Variants in POSTN observed in about 807,000 individuals in gnomAD.
POSTN encodes the protein osteoblast specific factor 2 (fasciclin I-like).
In POSTN, 71 loss-of-function variants were observed where a neutral mutation model predicts 104.5. That is an observed-to-expected ratio of 0.68 (90% CI 0.56 to 0.83). POSTN has a LOEUF of 0.83. POSTN is among the 40% of genes least tolerant of loss of function. POSTN has a pLI of 0.00. For synonymous variants in POSTN, 355 were observed against 340.7 expected (o/e 1.04, Z -0.46); for missense variants, 949 against 1,006.8 (o/e 0.94, Z 0.78).
At position 37,563,265 on chromosome 13, in the gene POSTN, T is replaced by C; in HGVS notation, c.*68A>G. 9.0e-7 allele frequency: 1 copy of C among 1,107,218 alleles called. No individual in the cohort carries two copies. The allele number at this position is 1,107,218 out of a possible 1,614,324, so 68.6% of individuals were successfully genotyped here. A position where few individuals can be genotyped will look rare whatever the true frequency, so the allele number is the denominator to read the frequency against. On this transcript the variant is annotated 3_prime_UTR_variant, in exon 23 of 23. Coordinates refer to ENST00000379747, the MANE Select transcript of POSTN (RefSeq NM_006475.3). ...TCAGTTCCTGAAGTCAACTTGGCTCTCACAATTTTCTAAGGTCAGGTTATT... is the reference window on the plus strand; with the variant it reads ...TCAGTTCCTGAAGTCAACTTGGCTCCCACAATTTTCTAAGGTCAGGTTATT...
chr13:37,579,556 T>C (rs1950517743), intron 12 of POSTN, among the ~76,000 whole-genome samples, 197 bp from the exon 13 acceptor site: 1 of 152,208 alleles, frequency 6.6e-6, no homozygotes, highest in African/African-American at 2.4e-5. Flanking sequence ...CCCAACTTAC[T>C]GGGAGAAAAA....
chr13:37,586,290 A>C lies in POSTN; in HGVS notation c.754-10T>G, dbSNP rs1259850247. ...ATGTGATGGCAGCTGCCTGAAACAC[A>C]AATGTGCTTTTCAGAGACTTTCACA... On this transcript the variant is annotated splice_polypyrimidine_tract_variant and intron_variant, in intron 6 of 22. Coordinates refer to ENST00000379747, the MANE Select transcript of POSTN (RefSeq NM_006475.3). The C allele has an allele frequency of 1.9e-6, 3 of 1,606,826 alleles. No homozygotes were observed. In the African/African-American group the frequency reaches 4.0e-5, roughly 22 times the overall value.
chr13:37,570,702 T>C (rs745583501), intron 18 of POSTN, 33 bp from the exon 19 acceptor site: 1 of 1,324,948 alleles, frequency 7.5e-7, no homozygotes, highest in Admixed American at 1.7e-5. Context: ...GCATTTGATT[T>C]ACCCTCATAT....
chr13:37,569,346 A>C lies in POSTN; in HGVS notation c.2385T>G (p.Asp795Glu), dbSNP rs1950197555. 1 of 1,612,858 alleles carries C rather than the reference A, an allele frequency of 6.2e-7. No homozygotes were observed. The highest frequency in any genetic ancestry group is 1.1e-5 in the South Asian group (1 of 91,060). ...TKVTKFIEGG[D>E]GHLFEDEEIK... ...TTTCTTCATCTTCAAATAAATGACC[A>C]TCACCACCTTCAATGAATTTGGTGA... The change falls in exon 21 of 23, where the codon GAT (aspartate) becomes GAG (glutamate). Residue 795 changes from aspartate to glutamate, a missense_variant. By Grantham distance (45) the Asp-to-Glu change is conservative. Transcript: ENST00000379747.
At chr13:37,597,589 T>G (rs1951121131) in intron 1 of POSTN, among the ~76,000 whole-genome samples, 1 of 152,172 alleles carries the variant, frequency 6.6e-6, no homozygotes, top group Admixed American at 6.5e-5. Flanking sequence ...TCTATGTGCC[T>G]TATTACTTTT....
chr13:37,583,460 G>A (rs868306157), intron 9 of POSTN, among the ~76,000 whole-genome samples: 1 of 33,222 alleles, frequency 3.0e-5, no homozygotes, highest in African/African-American at 1.2e-4. Context: ...TTTTTTTTTT[G>A]AGACGGAGTC....
chr13:37,566,842 G>C lies in POSTN; in HGVS notation c.2432-2282C>G, dbSNP rs59928402. Among the ~76,000 whole-genome samples, 1,124 of 152,218 alleles carry C rather than the reference G, an allele frequency of 7.4e-3. 74 individuals carry two copies. The East Asian group carries it at 0.16, about 22-fold the overall frequency. Reference sequence around the variant, plus strand: ...CAGTTAAGGTCTTGGAAGTGTATCAGTGACAAATCACAACATCAGTACTCA... The same window carrying C: ...CAGTTAAGGTCTTGGAAGTGTATCACTGACAAATCACAACATCAGTACTCA... On this transcript the variant is annotated intron_variant, in intron 21 of 22. Transcript: ENST00000379747.
At chr13:37,578,293 A>C (rs898043947) in intron 15 of POSTN, among the ~76,000 whole-genome samples, 2 of 152,154 alleles carry the variant, frequency 1.3e-5, no homozygotes, top group African/African-American at 4.8e-5. Flanking sequence ...TTTTCATAAC[A>C]CTTTACACAA....
chr13:37,591,657 C>A (rs1269006191), intron 3 of POSTN, among the ~76,000 whole-genome samples: 1 of 151,652 alleles, frequency 6.6e-6, no homozygotes, highest in Non-Finnish European at 1.5e-5. Context: ...TGAATGGCTG[C>A]CATTTCAAAG....
chr13:37,584,829 C>T lies in POSTN; in HGVS notation c.995G>A (p.Gly332Glu), dbSNP rs1950698869. Residue 332 changes from glycine to glutamate, a missense_variant, in exon 8 of 23, where the codon GGA becomes GAA. Gly to Glu is a moderately conservative substitution (Grantham distance 98). Transcript: ENST00000379747. ...ETLEGNTIEI[G>E]CDGDSITVNG... ...TACTGTTATACTGTCACCGTCACAT[C>T]CTATCTCAATTGTATTTCCTTCCAG... 1.2e-6 allele frequency: 2 copies of T among 1,613,908 alleles called. No homozygotes were observed. Among genetic ancestry groups the T allele is most frequent in the Non-Finnish European group, 8.5e-7 (1 of 1,179,924 alleles).
chr13:37,571,110 C>T lies in POSTN; in HGVS notation c.2179+259G>A, dbSNP rs563036994. 5 of 385,544 alleles carry T rather than the reference C, an allele frequency of 1.3e-5. No homozygotes were observed. The East Asian group carries it at 1.4e-4, about 10-fold the overall frequency. 23.9% of individuals were successfully genotyped at this position (385,544 alleles called of 1,614,324 possible). A position where few individuals can be genotyped will look rare whatever the true frequency, so the allele number is the denominator to read the frequency against. ...TTACAATTTTATTCCACAATCCTCA[C>T]TTGTATATGCAAAAATCATGACATT... On this transcript the variant is annotated intron_variant, in intron 18 of 22. Transcript: ENST00000379747.
At chr13:37,595,668 C>T (rs907031983) in intron 2 of POSTN, among the ~76,000 whole-genome samples, 2 of 152,140 alleles carry the variant, frequency 1.3e-5, no homozygotes, top group Non-Finnish European at 2.9e-5. Context: ...ATTTTAAGAA[C>T]AATTGATATT....
chr13:37,582,408 T>G lies in POSTN; in HGVS notation c.1350A>C (p.Glu450Asp). The change falls in exon 10 of 23, where the codon GAA becomes GAC. Residue 450 changes from glutamate to aspartate, a missense_variant. Physicochemically the swap from Glu to Asp is conservative, Grantham distance 45. Transcript: ENST00000379747. Reference sequence around the variant, plus strand: ...CTCTGAGCTGTTTGCCTCCGATGGTTTCCAGTATTTGCCCGTTGTAAAGCT... The same window carrying G: ...CTCTGAGCTGTTTGCCTCCGATGGTGTCCAGTATTTGCCCGTTGTAAAGCT... ...LNELYNGQIL[E>D]TIGGKQLRVF... 1 of 1,613,920 alleles carries G rather than the reference T, an allele frequency of 6.2e-7. No individual in the cohort carries two copies. Among genetic ancestry groups the G allele is most frequent in the Non-Finnish European group, 8.5e-7 (1 of 1,179,922 alleles).
At chr13:37,569,058 A>C (rs550448733) in intron 21 of POSTN, 10 of 294,190 alleles carry the variant, frequency 3.4e-5, no homozygotes, top group African/African-American at 2.2e-4. Context: ...CAAAGCAAAA[A>C]AAATATTCAT....
chr13:37,590,458 C>T lies in POSTN; in HGVS notation c.355G>A (p.Ala119Thr), dbSNP rs1285552885. Residue 119 changes from alanine to threonine, a missense_variant, in exon 4 of 23, where the codon GCC becomes ACC. Coordinates refer to ENST00000379747, the MANE Select transcript of POSTN (RefSeq NM_006475.3). ...TCGATCTCCTCCCTCAGTTTTGAGG[C>T]GTCAGAATAGCGCTGCGTTGTGGTG... Reference protein sequence around the residue: ...GATTTQRYSDASKLREEIEGK... With the variant: ...GATTTQRYSDTSKLREEIEGK... The T allele has an allele frequency of 1.2e-6, 2 of 1,613,434 alleles. No homozygotes were observed. The highest frequency in any genetic ancestry group is 8.5e-7 in the Non-Finnish European group (1 of 1,179,618).
At chr13:37,567,039 A>G (rs1264919580) in intron 21 of POSTN, among the ~76,000 whole-genome samples, 1 of 150,442 alleles carries the variant, frequency 6.6e-6, no homozygotes, top group East Asian at 2.0e-4. Context: ...GATCGAGACC[A>G]TCCCGGCTAA....
At position 37,569,720 on chromosome 13, in the gene POSTN, TCTTATTTTCCTAGAAATG is replaced by T. The variant is rs1373775357; in HGVS notation, c.2347+6_2347+23del. 6.6e-7 allele frequency: 1 copy of T among 1,514,572 alleles called. No individual in the cohort carries two copies. The allele number at this position is 1,514,572 out of a possible 1,614,324, so 93.8% of individuals were successfully genotyped here. On this transcript the variant is annotated splice_donor_region_variant and intron_variant, in intron 20 of 22. Coordinates refer to ENST00000379747, the MANE Select transcript of POSTN (RefSeq NM_006475.3). ...ATGGATAGCTTAGGTAAAGTCACAT[TCTTATTTTCCTAGAAATG>T]CTGACCTTCTTGTAACAATTTCTTC...
intron 21 of POSTN, chr13:37,565,518 G>A (rs987832245): frequency 3.3e-5 from 5 of 151,892 alleles, no homozygotes; most frequent in African/African-American, 9.7e-5. Flanking sequence ...TAAAAAGTAA[G>A]CAATGAAACT....
At chr13:37,564,035 G>A (rs1391395173) in intron 22 of POSTN, among the ~76,000 whole-genome samples, 1 of 150,790 alleles carries the variant, frequency 6.6e-6, no homozygotes, top group Non-Finnish European at 1.5e-5. Flanking sequence ...GTCTCAAACT[G>A]TAGCATTGTC....
Sources: gnomAD v4.1 joint callset for allele counts (sites outside exome capture counted in the v4.1 genomes callset) on GRCh38, gnomAD v4.1.1 for gene constraint, MANE v1.5 for transcripts, NCBI Gene and HGNC (gene_info 2026-07-23, HGNC 2026-07-21) for gene names.